ZFAND3: variants seen among roughly 807,000 people sequenced by gnomAD.
ZFAND3 encodes the protein AN1-type zinc finger protein 3.
Under a neutral mutation model 29.6 loss-of-function variants are expected in ZFAND3, and 10 were observed. The observed-to-expected ratio is 0.34, with a 90% CI of 0.21 to 0.57. The LOEUF is 0.57. Ranked by LOEUF, ZFAND3 falls within the 20% of genes least tolerant of loss-of-function variation. The pLI, the probability that ZFAND3 is intolerant of heterozygous loss-of-function variation, is 0.86. For missense variants in ZFAND3, 230 were observed against 304.5 expected, an observed-to-expected ratio of 0.76 and a Z score of 1.82; for synonymous variants, 128 against 112.6, an observed-to-expected ratio of 1.14 and a Z score of -0.87.
chr6:37,953,217 C>G (rs970998312), intron 2 of ZFAND3, among the ~76,000 whole-genome samples: 1 of 151,810 alleles, frequency 6.6e-6, no homozygotes, highest in African/African-American at 2.4e-5. Context: ...TCCCTGCTGT[C>G]TTTTCAATTA....
intron 2 of ZFAND3, among the ~76,000 whole-genome samples, chr6:37,979,011 C>G (rs1762535916): frequency 1.3e-5 from 2 of 150,778 alleles, no homozygotes; most frequent in South Asian, 4.2e-4. Context: ...TATTGATAAT[C>G]TCAAAGACCC....
At chr6:38,102,311 G>A (rs940212214) in intron 4 of ZFAND3, among the ~76,000 whole-genome samples, 1 of 152,160 alleles carries the variant, frequency 6.6e-6, no homozygotes, top group East Asian at 1.9e-4. Flanking sequence ...ATAGGGGTGG[G>A]ATAATTTACA....
intron 2 of ZFAND3, among the ~76,000 whole-genome samples, chr6:37,941,394 C>T (rs185805626): frequency 1.3e-5 from 2 of 152,264 alleles, no homozygotes; most frequent in African/African-American, 4.8e-5. Context: ...TGTAGTTTGC[C>T]TCTAGATCCC....
intron 2 of ZFAND3, among the ~76,000 whole-genome samples, chr6:38,013,727 T>TA (rs146912961): frequency 0.099 from 14,542 of 146,940 alleles, 799 homozygotes; most frequent in Non-Finnish European, 0.12. Flanking sequence ...ACTGGAGAGT[T>TA]AAAAAAAAAA....
chr6:37,889,835 C>T (rs1765061096), intron 1 of ZFAND3, among the ~76,000 whole-genome samples: 1 of 152,180 alleles, frequency 6.6e-6, no homozygotes, highest in Admixed American at 6.5e-5. Context: ...ATTATTAGGA[C>T]TTTCAAATGT....
chr6:38,047,363 A>G (rs1172693189), intron 2 of ZFAND3, among the ~76,000 whole-genome samples: 2 of 151,774 alleles, frequency 1.3e-5, no homozygotes, highest in Non-Finnish European at 2.9e-5. Context: ...ACCCAATCTG[A>G]CTTTTTCTTT....
chr6:37,932,277 AT>A (rs1761612956), intron 2 of ZFAND3, among the ~76,000 whole-genome samples: 2 of 151,934 alleles, frequency 1.3e-5, no homozygotes, highest in African/African-American at 4.8e-5. Flanking sequence ...AAAAAAATAA[AT>A]AAATAAAAGG....
chr6:37,873,930 T>TA (rs1764745803), intron 1 of ZFAND3, among the ~76,000 whole-genome samples: 3 of 152,190 alleles, frequency 2.0e-5, no homozygotes, highest in African/African-American at 7.2e-5. Context: ...CGTCTCAGAA[T>TA]AACATATTTT....
chr6:37,903,526 T>C (rs1485346522), intron 1 of ZFAND3, among the ~76,000 whole-genome samples: 1 of 152,230 alleles, frequency 6.6e-6, no homozygotes, highest in African/African-American at 2.4e-5. Context: ...ACCAAGCTTT[T>C]ACTTACAGCG....
chr6:38,140,736 A>G (rs1199524504), intron 5 of ZFAND3, among the ~76,000 whole-genome samples: 2 of 152,170 alleles, frequency 1.3e-5, no homozygotes, highest in Non-Finnish European at 2.9e-5. Context: ...TACACCCCCA[A>G]GTGAAATGGA....
chr6:38,081,394 A>T (rs1382929119), intron 3 of ZFAND3, among the ~76,000 whole-genome samples: 2 of 152,088 alleles, frequency 1.3e-5, no homozygotes, highest in African/African-American at 4.8e-5. Flanking sequence ...CCTTAAACCC[A>T]TGAATCTCGG....
chr6:37,836,212 A>T (rs958819608), intron 1 of ZFAND3, among the ~76,000 whole-genome samples: 1 of 152,144 alleles, frequency 6.6e-6, no homozygotes, highest in African/African-American at 2.4e-5. Flanking sequence ...CACATTACTC[A>T]TGCTTTCCCT....
Position 38,153,383 on chromosome 6 carries a change from A to T in ZFAND3, c.*994A>T. On this transcript the variant is annotated 3_prime_UTR_variant, in exon 6 of 6. Coordinates refer to ENST00000287218, the MANE Select transcript of ZFAND3 (RefSeq NM_021943.3). ...TCCAGCTGGAGCCGCCCGTGCCTCCAGGGGCCAAGAGGATGATGTCGTGGC... is the reference window on the plus strand; with the variant it reads ...TCCAGCTGGAGCCGCCCGTGCCTCCTGGGGCCAAGAGGATGATGTCGTGGC... 1.0e-6 allele frequency: 1 copy of T among 985,492 alleles called. No homozygotes were observed. Among genetic ancestry groups the T allele is most frequent in the Non-Finnish European group, 1.2e-6 (1 of 829,958 alleles). 61.0% of individuals were successfully genotyped at this position (985,492 alleles called of 1,614,324 possible). A position where few individuals can be genotyped will look rare whatever the true frequency, so the allele number is the denominator to read the frequency against.
At chr6:38,114,000 TTAGAG>T (rs1247398884) in intron 4 of ZFAND3, among the ~76,000 whole-genome samples, 6 of 152,200 alleles carry the variant, frequency 3.9e-5, no homozygotes, top group African/African-American at 1.4e-4. Flanking sequence ...CAGTTCTGTG[TTAGAG>T]TAGAGGTGTG....
intron 1 of ZFAND3, among the ~76,000 whole-genome samples, chr6:37,840,463 A>G (rs1211084552): frequency 6.6e-6 from 1 of 152,244 alleles, no homozygotes; most frequent in Non-Finnish European, 1.5e-5. Context: ...TTCCTTTGTA[A>G]TAGGTTTTGA....
intron 1 of ZFAND3, among the ~76,000 whole-genome samples, chr6:37,839,660 G>A (rs1000994617): frequency 5.9e-5 from 9 of 151,534 alleles, no homozygotes; most frequent in South Asian, 4.2e-4. Flanking sequence ...GACTACAGGC[G>A]TGTGCCATTA....
intron 1 of ZFAND3, among the ~76,000 whole-genome samples, chr6:37,909,994 CAT>C (rs370381544): frequency 6.6e-6 from 1 of 152,172 alleles, no homozygotes. Flanking sequence ...TAATTTAAAA[CAT>C]AAATTTACAT....
chr6:37,944,634 G>A (rs928956004), intron 2 of ZFAND3, among the ~76,000 whole-genome samples: 2 of 152,200 alleles, frequency 1.3e-5, no homozygotes, highest in Non-Finnish European at 2.9e-5. Context: ...GACCTACAGC[G>A]TATATCACGT....
chr6:38,049,063 G>GCGATC (rs1763967783), intron 2 of ZFAND3, among the ~76,000 whole-genome samples: 5 of 152,120 alleles, frequency 3.3e-5, no homozygotes, highest in Non-Finnish European at 7.4e-5. Context: ...ACACTTGCCA[G>GCGATC]TTAGCCACAA....
Sources: allele counts gnomAD v4.1 joint callset (sites outside exome capture counted in the v4.1 genomes callset), GRCh38; gene constraint gnomAD v4.1.1; transcripts MANE v1.5; gene names NCBI Gene and HGNC (gene_info 2026-07-23, HGNC 2026-07-21).